Variants in NTM observed in about 807,000 individuals in gnomAD.
NTM encodes the protein IgLON family member 2.
In NTM, 13 loss-of-function variants were observed where a neutral mutation model predicts 42.1. That is an observed-to-expected ratio of 0.31 (90% CI 0.20 to 0.49). The LOEUF (loss-of-function observed/expected upper bound fraction) is 0.49. Ranked by LOEUF, NTM falls within the 20% of genes least tolerant of loss-of-function variation. NTM has a pLI of 0.99. For missense variants in NTM, 373 were observed against 452.8 expected (o/e 0.82, Z 1.60); for synonymous variants, 187 against 179.2 (o/e 1.04, Z -0.35).
intron 1 of NTM, among the ~76,000 whole-genome samples, chr11:131,816,518 G>T (rs1000205437): frequency 1.3e-5 from 2 of 149,792 alleles, no homozygotes; most frequent in African/African-American, 5.0e-5. Context: ...TTCTGGGTGG[G>T]GAAACAAGTT....
intron 3 of NTM, among the ~76,000 whole-genome samples, chr11:132,165,448 C>T (rs1481209654): frequency 1.3e-5 from 2 of 152,218 alleles, no homozygotes; most frequent in Non-Finnish European, 2.9e-5. Context: ...TGCCTTCCTA[C>T]AGCCTGTGTC....
At chr11:131,959,204 G>A (rs939263221) in intron 2 of NTM, among the ~76,000 whole-genome samples, 7 of 152,098 alleles carry the variant, frequency 4.6e-5, no homozygotes, top group South Asian at 2.1e-4. Context: ...TGGGCTGCCC[G>A]CAGATTTGCC....
Position 131,737,732 on chromosome 11 carries a change from C to T in NTM, c.83-173832C>T, listed in dbSNP as rs151335077. Among the ~76,000 whole-genome samples the T allele has an allele frequency of 7.3e-3, 1,105 of 152,076 alleles. 12 individuals are homozygous for T. Among genetic ancestry groups the T allele is most frequent in the African/African-American group, 0.025 (1,045 of 41,494 alleles). ...CTGCAAATATCTTCCGCTTGGAATC[C>T]GACTCTTGATTTCTGCCCTGGAGTG... On this transcript the variant is annotated intron_variant, in intron 1 of 8. Transcript: ENST00000683400.
intron 2 of NTM, among the ~76,000 whole-genome samples, chr11:132,050,755 C>T (rs2078739877): frequency 6.6e-6 from 1 of 152,208 alleles, no homozygotes; most frequent in Non-Finnish European, 1.5e-5. Context: ...GTGGGGCACA[C>T]AGACACCTGC....
intron 1 of NTM, among the ~76,000 whole-genome samples, chr11:131,906,020 T>C (rs747350995): frequency 6.6e-6 from 1 of 152,150 alleles, no homozygotes; most frequent in African/African-American, 2.4e-5. Flanking sequence ...TTAATTTTCA[T>C]GAACGTTAAT....
At chr11:132,187,190 C>A (rs908309773) in intron 3 of NTM, among the ~76,000 whole-genome samples, 1 of 150,624 alleles carries the variant, frequency 6.6e-6, no homozygotes, top group Non-Finnish European at 1.5e-5. Context: ...TTCATTTTCA[C>A]TGGAAAGGAG....
rs529679318 is a variant in NTM, at chr11:131,965,310, G to A, written c.167+53662G>A. 2.0e-4 allele frequency among the ~76,000 whole-genome samples: 31 copies of A among 152,152 alleles called. No individual in the cohort carries two copies. In the South Asian group the frequency reaches 4.8e-3, roughly 23 times the overall value. Reference sequence around the variant, plus strand: ...GTTGCAAAGCTGTACAGTGGAGGGAGGTCACCAGGGACTCAACGTCTCCTG... The same window carrying A: ...GTTGCAAAGCTGTACAGTGGAGGGAAGTCACCAGGGACTCAACGTCTCCTG... On this transcript the variant is annotated intron_variant, in intron 2 of 8. Coordinates refer to ENST00000683400, the MANE Select transcript of NTM (RefSeq NM_001352005.2).
At chr11:131,583,415 G>C (rs752476657) in intron 1 of NTM, among the ~76,000 whole-genome samples, 6 of 152,116 alleles carry the variant, frequency 3.9e-5, no homozygotes, top group Non-Finnish European at 4.4e-5. Flanking sequence ...AAAATATTAA[G>C]AGAAAATGTC....
chr11:131,655,041 C>T (rs559760325), intron 1 of NTM, among the ~76,000 whole-genome samples: 27 of 152,304 alleles, frequency 1.8e-4, no homozygotes, highest in South Asian at 4.1e-4. Context: ...ACCCCGCCCC[C>T]GCCACTCCGC....
intron 3 of NTM, among the ~76,000 whole-genome samples, chr11:132,177,719 A>G (rs1394825957): frequency 6.6e-6 from 1 of 152,212 alleles, no homozygotes; most frequent in Non-Finnish European, 1.5e-5. Flanking sequence ...GCCTAAAGCT[A>G]ATAAAAAATC....
chr11:131,562,553 A>C (rs11222696), intron 1 of NTM, among the ~76,000 whole-genome samples: 25,328 of 151,956 alleles, frequency 0.17, 2,366 homozygotes, highest in Non-Finnish European at 0.21. Flanking sequence ...CCCGGCAGAG[A>C]CCATGGCATG....
At chr11:131,448,691 G>C (rs1950252135) in intron 1 of NTM, among the ~76,000 whole-genome samples, 1 of 152,230 alleles carries the variant, frequency 6.6e-6, no homozygotes. Context: ...CACTCCTCCA[G>C]GTTGCAGGAG....
intron 1 of NTM, among the ~76,000 whole-genome samples, chr11:131,475,309 G>C (rs1952814058): frequency 6.6e-6 from 1 of 152,052 alleles, no homozygotes; most frequent in Non-Finnish European, 1.5e-5. Context: ...TTCATTATAG[G>C]GTTATTCCTC....
At chr11:132,131,651 A>G (rs978622180) in intron 2 of NTM, among the ~76,000 whole-genome samples, 4 of 152,070 alleles carry the variant, frequency 2.6e-5, no homozygotes, top group Admixed American at 2.0e-4. Context: ...AGGATCCCAG[A>G]CCTCAAGGTC....
Position 131,574,230 on chromosome 11 carries a change from G to A in NTM, c.82+203342G>A, listed in dbSNP as rs530024499. ...CTTCATAGTTATAGTGAACCATTCA[G>A]GGGTGGCTGCAATTCAGGAAATGAT... is the stretch of plus-strand genomic sequence containing the variant. On this transcript the variant is annotated intron_variant, in intron 1 of 8. Transcript: ENST00000683400. Among the ~76,000 whole-genome samples, 30 of 152,192 alleles carry A rather than the reference G, an allele frequency of 2.0e-4. No homozygotes were observed. The South Asian group carries it at 6.0e-3, about 31-fold the overall frequency.
chr11:132,246,920 C>G (rs1163289581), intron 4 of NTM, among the ~76,000 whole-genome samples: 1 of 152,250 alleles, frequency 6.6e-6, no homozygotes, highest in Non-Finnish European at 1.5e-5. Flanking sequence ...CCCTTGCTCC[C>G]CACTGTCCTG....
chr11:131,672,769 G>T (rs1001303318), intron 1 of NTM, among the ~76,000 whole-genome samples: 30 of 151,524 alleles, frequency 2.0e-4, no homozygotes, highest in African/African-American at 7.0e-4. Context: ...ACCAGCCTTG[G>T]CCTCTTCTTT....
intron 4 of NTM, among the ~76,000 whole-genome samples, chr11:132,245,918 C>T (rs769357331): frequency 6.6e-6 from 1 of 152,142 alleles, no homozygotes; most frequent in Non-Finnish European, 1.5e-5. Context: ...AGAAAGCCCG[C>T]AGGATTTGAT....
intron 1 of NTM, among the ~76,000 whole-genome samples, chr11:131,548,717 CA>C (rs749245979): frequency 2.0e-5 from 3 of 152,138 alleles, no homozygotes; most frequent in Non-Finnish European, 2.9e-5. Context: ...TGATATCTAT[CA>C]AATGCACCCA....
Sources: gnomAD v4.1 joint callset for allele counts (sites outside exome capture counted in the v4.1 genomes callset) on GRCh38, gnomAD v4.1.1 for gene constraint, MANE v1.5 for transcripts, NCBI Gene and HGNC (gene_info 2026-07-23, HGNC 2026-07-21) for gene names.